CCSER1: variants seen among roughly 807,000 people sequenced by gnomAD.
CCSER1 encodes coiled-coil serine rich protein 1.
A neutral mutation model predicts 82.0 loss-of-function variants in CCSER1; 41 were observed. The ratio of observed to expected loss-of-function variants is 0.50; its 90% CI spans 0.39 to 0.65. The LOEUF (loss-of-function observed/expected upper bound fraction) is 0.65. CCSER1 is among the 30% of genes least tolerant of loss of function. CCSER1 has a pLI of 0.00. For missense variants in CCSER1, 1,119 were observed against 1,064.2 expected, an observed-to-expected ratio of 1.05 and a Z score of -0.72; for synonymous variants, 414 against 383.9, an observed-to-expected ratio of 1.08 and a Z score of -0.92.
chr4:91,162,953 T>A (rs1731600562), intron 10 of CCSER1, among the ~76,000 whole-genome samples: 1 of 152,214 alleles, frequency 6.6e-6, no homozygotes, highest in Admixed American at 6.5e-5. Flanking sequence ...CTGATCTTAG[T>A]TATTTTTTGC....
intron 10 of CCSER1, among the ~76,000 whole-genome samples, chr4:91,538,857 A>G (rs150449066): frequency 1.6e-4 from 25 of 151,890 alleles, no homozygotes; most frequent in African/African-American, 5.5e-4. Flanking sequence ...CAAACCCTCT[A>G]GGAATAGTAT....
At chr4:91,181,211 T>C (rs1226435999) in intron 10 of CCSER1, among the ~76,000 whole-genome samples, 1 of 152,204 alleles carries the variant, frequency 6.6e-6, no homozygotes, top group African/African-American at 2.4e-5. Context: ...CCTTCTTTGA[T>C]TTGCAAATTG....
chr4:91,503,368 G>A (rs1369204164), intron 10 of CCSER1, among the ~76,000 whole-genome samples: 6 of 151,084 alleles, frequency 4.0e-5, no homozygotes, highest in Admixed American at 1.3e-4. Flanking sequence ...AAAAAAGAAA[G>A]ATTTCCATAT....
At chr4:91,114,603 T>C (rs1726388345) in intron 10 of CCSER1, among the ~76,000 whole-genome samples, 2 of 152,136 alleles carry the variant, frequency 1.3e-5, no homozygotes, top group Admixed American at 1.3e-4. Context: ...ATGCGTGCAT[T>C]TGAATGGACC....
chr4:91,440,720 T>C (rs1755063890), intron 10 of CCSER1, among the ~76,000 whole-genome samples: 1 of 151,916 alleles, frequency 6.6e-6, no homozygotes, highest in Non-Finnish European at 1.5e-5. Context: ...GATAGACCAC[T>C]AGCAAGACTA....
chr4:90,415,153 A>G (rs1560483733), intron 4 of CCSER1, among the ~76,000 whole-genome samples: 1 of 152,214 alleles, frequency 6.6e-6, no homozygotes, highest in African/African-American at 2.4e-5. Context: ...CAATCATTCA[A>G]TCAGTGAATG....
At chr4:90,631,253 T>G (rs1724366677) in intron 6 of CCSER1, among the ~76,000 whole-genome samples, 1 of 152,172 alleles carries the variant, frequency 6.6e-6, no homozygotes, top group Non-Finnish European at 1.5e-5. Flanking sequence ...GTAAAATAAT[T>G]ACTTAATTTT....
chr4:90,532,535 A>G (rs187542829), intron 5 of CCSER1, among the ~76,000 whole-genome samples: 15 of 152,232 alleles, frequency 9.9e-5, no homozygotes, highest in African/African-American at 3.6e-4. Flanking sequence ...ACCTTTTGGT[A>G]AAGGGACAAA....
chr4:90,563,293 A>G (rs1560724347), intron 5 of CCSER1, among the ~76,000 whole-genome samples: 1 of 151,566 alleles, frequency 6.6e-6, no homozygotes, highest in Non-Finnish European at 1.5e-5. Flanking sequence ...TGTATTTTTA[A>G]TAGAGACAGG....
intron 9 of CCSER1, among the ~76,000 whole-genome samples, chr4:90,932,974 GAAAGAAAGAGAAAGAAAGAAAGAAAGAA>G (rs1730200321): frequency 6.6e-5 from 2 of 30,486 alleles, no homozygotes. Context: ...AAGAAAGAAA[GAAAGAAAGAGAAAGAAAGAAAGAAAGAA>G]AGAAAGAAAG....
chr4:91,600,401 G>T lies in CCSER1; in HGVS notation c.*1344G>T, dbSNP rs1264050943. The T allele has an allele frequency of 6.6e-6, 1 of 152,222 alleles. No homozygotes were observed. The highest frequency in any genetic ancestry group is 6.5e-5 in the Admixed American group (1 of 15,278). 9.4% of individuals were successfully genotyped at this position (152,222 alleles called of 1,614,324 possible). ...CTGCAGTTTTCTTATACACATCAGA[G>T]CTGTTAAGTACATCCACATTAGCCA... On this transcript the variant is annotated 3_prime_UTR_variant, in exon 11 of 11. Coordinates refer to ENST00000509176, the MANE Select transcript of CCSER1 (RefSeq NM_001145065.2).
chr4:91,280,620 C>T (rs768641171), intron 10 of CCSER1, among the ~76,000 whole-genome samples: 8 of 152,212 alleles, frequency 5.3e-5, no homozygotes, highest in African/African-American at 1.4e-4. Flanking sequence ...TAGAGAGTGG[C>T]GTTGTTTTCC....
chr4:90,865,103 A>C (rs1765572248), intron 8 of CCSER1, among the ~76,000 whole-genome samples: 1 of 152,010 alleles, frequency 6.6e-6, no homozygotes, highest in African/African-American at 2.4e-5. Flanking sequence ...TCAGTTGACT[A>C]TTTTAGCTTT....
chr4:90,257,735 T>A (rs1723599846), intron 1 of CCSER1, among the ~76,000 whole-genome samples: 1 of 151,844 alleles, frequency 6.6e-6, no homozygotes, highest in South Asian at 2.1e-4. Flanking sequence ...CCCAGGAGAG[T>A]CAATTACATA....
At chr4:91,257,145 G>A (rs1390485747) in intron 10 of CCSER1, among the ~76,000 whole-genome samples, 2 of 152,048 alleles carry the variant, frequency 1.3e-5, no homozygotes, top group Non-Finnish European at 2.9e-5. Flanking sequence ...ATGAGGAGTG[G>A]CATTGTTAGT....
intron 4 of CCSER1, among the ~76,000 whole-genome samples, chr4:90,402,086 A>G (rs981050343): frequency 3.3e-5 from 5 of 152,186 alleles, no homozygotes; most frequent in South Asian, 4.1e-4. Flanking sequence ...TTTTATAGGA[A>G]TTATTGGAAT....
chr4:91,419,785 TACTAATTCCAA>T (rs1753589548), intron 10 of CCSER1, among the ~76,000 whole-genome samples: 1 of 152,098 alleles, frequency 6.6e-6, no homozygotes, highest in East Asian at 1.9e-4. Flanking sequence ...ACATCACATG[TACTAATTCCAA>T]ACTATATTAC....
intron 3 of CCSER1, among the ~76,000 whole-genome samples, chr4:90,388,915 C>G (rs976133561): frequency 1.3e-5 from 2 of 152,180 alleles, no homozygotes; most frequent in Non-Finnish European, 2.9e-5. Context: ...GGAGTACAGG[C>G]GTGAACCACC....
intron 10 of CCSER1, among the ~76,000 whole-genome samples, chr4:91,271,819 A>T (rs911169131): frequency 6.6e-6 from 1 of 152,136 alleles, no homozygotes. Context: ...CAATGGCACC[A>T]TCTCAGCTAA....
Sources: allele counts gnomAD v4.1 joint callset (sites outside exome capture counted in the v4.1 genomes callset), GRCh38; gene constraint gnomAD v4.1.1; transcripts MANE v1.5; gene names NCBI Gene and HGNC (gene_info 2026-07-23, HGNC 2026-07-21).